ERC2: variants seen among roughly 807,000 people sequenced by gnomAD.
ERC2 encodes the protein ERC protein 2.
A neutral mutation model predicts 114.8 loss-of-function variants in ERC2; 42 were observed. The observed-to-expected ratio is 0.37, with a 90% CI of 0.29 to 0.47. The LOEUF is 0.47. Among genes scored for constraint, ERC2 ranks in the 20% least tolerant of loss-of-function variants. ERC2 has a pLI of 0.99. For synonymous variants in ERC2, 454 were observed against 425.5 expected (o/e 1.07, Z -0.82); for missense variants, 939 against 1,150.7 (o/e 0.82, Z 2.66).
intron 6 of ERC2, among the ~76,000 whole-genome samples, chr3:56,099,398 T>C (rs2078230071): frequency 6.6e-6 from 1 of 152,182 alleles, no homozygotes; most frequent in Non-Finnish European, 1.5e-5. Flanking sequence ...CAGCTAATGT[T>C]TATTATTTTT....
intron 3 of ERC2, among the ~76,000 whole-genome samples, chr3:56,258,480 C>A (rs1036576718): frequency 7.9e-5 from 12 of 152,066 alleles, no homozygotes; most frequent in African/African-American, 2.9e-4. Context: ...TGGTGAAACC[C>A]CGTCTCTACT....
In ERC2 at chr3:55,629,949, C is replaced by G. The variant is rs551106366; in HGVS notation, c.*39+53845G>C. Among the ~76,000 whole-genome samples the G allele has an allele frequency of 4.6e-5, 7 of 152,138 alleles. No homozygotes were observed. In the South Asian group the frequency reaches 1.5e-3, roughly 32 times the overall value. Reference sequence around the variant, plus strand: ...CAGCAGTCTCAGAGGTCCTGCGTGGCAATAAGCTAGTCGTACTGGTGGGGA... The same window carrying G: ...CAGCAGTCTCAGAGGTCCTGCGTGGGAATAAGCTAGTCGTACTGGTGGGGA... On this transcript the variant is annotated intron_variant, in intron 17 of 17. Coordinates refer to ENST00000288221, the MANE Select transcript of ERC2 (RefSeq NM_015576.3).
chr3:55,736,066 A>G (rs933624607), intron 14 of ERC2, among the ~76,000 whole-genome samples: 97 of 152,142 alleles, frequency 6.4e-4, no homozygotes, highest in African/African-American at 2.3e-3. Flanking sequence ...AACATCTACG[A>G]ACCATCAGCA....
chr3:55,827,328 AAAAG>A (rs1314888499), intron 14 of ERC2, among the ~76,000 whole-genome samples: 3 of 151,798 alleles, frequency 2.0e-5, no homozygotes, highest in East Asian at 3.9e-4. Flanking sequence ...AAGAAAGAGA[AAAAG>A]AAAGAGGGAC....
chr3:56,331,136 A>G (rs1489436406), intron 2 of ERC2, among the ~76,000 whole-genome samples: 1 of 152,138 alleles, frequency 6.6e-6, no homozygotes, highest in African/African-American at 2.4e-5. Flanking sequence ...TTCTGTGTTC[A>G]CCTGTCCTTG....
At chr3:56,417,630 G>A (rs2061219177) in intron 2 of ERC2, among the ~76,000 whole-genome samples, 2 of 152,130 alleles carry the variant, frequency 1.3e-5, no homozygotes, top group Admixed American at 6.5e-5. Flanking sequence ...TATTTTACAG[G>A]TAAGGAAACA....
chr3:56,153,655 T>A (rs1560268401), intron 4 of ERC2, among the ~76,000 whole-genome samples: 1 of 152,204 alleles, frequency 6.6e-6, no homozygotes, highest in East Asian at 1.9e-4. Flanking sequence ...TCAAACAGTA[T>A]GTTCCCCTTA....
intron 7 of ERC2, among the ~76,000 whole-genome samples, chr3:56,040,805 G>T (rs948144618): frequency 2.7e-5 from 4 of 147,216 alleles, no homozygotes; most frequent in African/African-American, 1.0e-4. Context: ...TATATAGAGA[G>T]ATACATATAG....
intron 16 of ERC2, among the ~76,000 whole-genome samples, chr3:55,694,800 T>C (rs149568611): frequency 6.6e-6 from 1 of 152,258 alleles, no homozygotes; most frequent in Non-Finnish European, 1.5e-5. Flanking sequence ...TCAGGGTCCT[T>C]GAAGACCTAA....
intron 15 of ERC2, among the ~76,000 whole-genome samples, chr3:55,720,337 G>GTGCAGTGACGCAACCATGGCTCAC (rs1327062355): frequency 7.5e-6 from 1 of 132,556 alleles, no homozygotes; most frequent in Non-Finnish European, 1.6e-5. Context: ...CTCAAGCTGA[G>GTGCAGTGACGCAACCATGGCTCAC]TGCAGTGACG....
At position 55,899,731 on chromosome 3, in the gene ERC2, G is replaced by A. The variant is rs150468847; in HGVS notation, c.2404-11182C>T. ...TGTGTTGGGATTTTTTTGCATATTC[G>A]TAGGAGAAAAGACTAGAGGGAAATG... On this transcript the variant is annotated intron_variant, in intron 13 of 17. Transcript: ENST00000288221. Among the ~76,000 whole-genome samples, 101 of 152,204 alleles carry A rather than the reference G, an allele frequency of 6.6e-4. 1 individual carries two copies. In the Middle Eastern group the frequency reaches 0.038, roughly 57 times the overall value.
chr3:56,207,284 TA>T (rs934593131), intron 3 of ERC2, among the ~76,000 whole-genome samples: 2 of 152,034 alleles, frequency 1.3e-5, no homozygotes, highest in South Asian at 4.2e-4. Flanking sequence ...TTTTTTAAAT[TA>T]AAAAAACACA....
At chr3:55,564,948 C>T (rs1056358800) in intron 17 of ERC2, among the ~76,000 whole-genome samples, 2 of 152,210 alleles carry the variant, frequency 1.3e-5, no homozygotes, top group East Asian at 1.9e-4. Flanking sequence ...TGCTGGAATA[C>T]GAAAGCAACC....
At chr3:55,651,336 T>C (rs1446917254) in intron 17 of ERC2, among the ~76,000 whole-genome samples, 1 of 152,326 alleles carries the variant, frequency 6.6e-6, no homozygotes, top group Non-Finnish European at 1.5e-5. Flanking sequence ...TCTGGACTCA[T>C]ACAATCAGGG....
intron 14 of ERC2, among the ~76,000 whole-genome samples, chr3:55,740,852 A>G (rs2065927383): frequency 6.6e-6 from 1 of 152,212 alleles, no homozygotes; most frequent in Admixed American, 6.5e-5. Flanking sequence ...CCCCAAATCC[A>G]AAGTACTCCA....
At chr3:55,729,021 G>A (rs764480691) in intron 15 of ERC2, among the ~76,000 whole-genome samples, 7 of 152,174 alleles carry the variant, frequency 4.6e-5, no homozygotes, top group Non-Finnish European at 1.0e-4. Flanking sequence ...TGGAGAGTGA[G>A]CTCACTAGGG....
At chr3:55,819,241 T>C (rs2168818) in intron 14 of ERC2, among the ~76,000 whole-genome samples, 1 of 152,090 alleles carries the variant, frequency 6.6e-6, no homozygotes, top group African/African-American at 2.4e-5. Context: ...GGTCACCGCT[T>C]TGAGTGAAAG....
intron 17 of ERC2, among the ~76,000 whole-genome samples, chr3:55,664,966 T>C (rs1295528877): frequency 2.0e-5 from 3 of 152,156 alleles, no homozygotes; most frequent in African/African-American, 7.2e-5. Context: ...TTTCGCCTTA[T>C]TCCTTATAAA....
chr3:56,087,721 A>G (rs543270553), intron 6 of ERC2, among the ~76,000 whole-genome samples: 1 of 152,306 alleles, frequency 6.6e-6, no homozygotes, highest in South Asian at 2.1e-4. Context: ...ACTTTAAAAG[A>G]AAATGAAACT....
Sources: allele counts gnomAD v4.1 joint callset (sites outside exome capture counted in the v4.1 genomes callset), GRCh38; gene constraint gnomAD v4.1.1; transcripts MANE v1.5; gene names NCBI Gene and HGNC (gene_info 2026-07-23, HGNC 2026-07-21).